The following WASF3 variants were observed in gnomAD, a reference collection of about 807,000 sequenced individuals.
WASF3 encodes the protein WASP family member 3.
In WASF3, 11 loss-of-function variants were observed where a neutral mutation model predicts 46.6. The ratio of observed to expected loss-of-function variants is 0.24; its 90% CI spans 0.15 to 0.39. The LOEUF is 0.39. Ranked by LOEUF, WASF3 falls within the 10% of genes least tolerant of loss-of-function variation. The pLI is 1.00. For missense variants in WASF3, 576 were observed against 669.8 expected (o/e 0.86, Z 1.55); for synonymous variants, 242 against 259.7 (o/e 0.93, Z 0.65).
intron 1 of WASF3, among the ~76,000 whole-genome samples, chr13:26,595,436 T>C (rs898710116): frequency 5.3e-5 from 8 of 152,256 alleles, no homozygotes; most frequent in East Asian, 1.9e-4. Flanking sequence ...TGACATCTTT[T>C]ATAGCTTGTA....
intron 1 of WASF3, chr13:26,576,777 T>G (rs1357472339): frequency 1.2e-5 from 4 of 332,306 alleles, no homozygotes; most frequent in Non-Finnish European, 2.2e-5. Flanking sequence ...AATGCAAAAA[T>G]AGTTCACAGA....
chr13:26,677,048 T>TA (rs1414503928), intron 7 of WASF3, among the ~76,000 whole-genome samples: 19 of 152,254 alleles, frequency 1.2e-4, no homozygotes, highest in Non-Finnish European at 2.8e-4. Flanking sequence ...AATAATCATT[T>TA]AATTCTTTCT....
At chr13:26,566,744 C>T (rs1468734618) in intron 1 of WASF3, among the ~76,000 whole-genome samples, 1 of 152,168 alleles carries the variant, frequency 6.6e-6, no homozygotes, top group Non-Finnish European at 1.5e-5. Flanking sequence ...TCCTACTAGC[C>T]GTACTCAGAC....
At chr13:26,658,245 A>G (rs1288188342) in intron 3 of WASF3, among the ~76,000 whole-genome samples, 1 of 152,170 alleles carries the variant, frequency 6.6e-6, no homozygotes, top group Non-Finnish European at 1.5e-5. Flanking sequence ...ATGTGTGTAT[A>G]TATAAATTTA....
chr13:26,662,366 A>G (rs1280550835), intron 3 of WASF3, among the ~76,000 whole-genome samples: 1 of 152,258 alleles, frequency 6.6e-6, no homozygotes, highest in African/African-American at 2.4e-5. Flanking sequence ...TGTTCATCAC[A>G]GTGCTGTTTG....
At chr13:26,643,886 G>C (rs1352085889) in intron 3 of WASF3, among the ~76,000 whole-genome samples, 1 of 152,206 alleles carries the variant, frequency 6.6e-6, no homozygotes, top group African/African-American at 2.4e-5. Context: ...GTGGTAAATA[G>C]AATAGTAATA....
chr13:26,677,534 C>G (rs1270783606), intron 7 of WASF3, among the ~76,000 whole-genome samples: 1 of 152,162 alleles, frequency 6.6e-6, no homozygotes, highest in Admixed American at 6.5e-5. Flanking sequence ...GTATCTGTGC[C>G]CTTTTTTTCT....
Position 26,682,512 on chromosome 13 carries a change from T to C in WASF3, c.984-95T>C. ...TTGAAGTTCAGGTGACAATACGTGT[T>C]GTGTCTGGGGATGGCTCCGTTAGGT... On this transcript the variant is annotated intron_variant, in intron 8 of 9. Transcript: ENST00000335327. The surrounding 1 kb of genome is among the most constrained non-coding windows in gnomAD (Gnocchi z 4.4). 1.4e-6 allele frequency: 2 copies of C among 1,458,166 alleles called. No homozygotes were observed. Among genetic ancestry groups the C allele is most frequent in the Non-Finnish European group, 9.5e-7 (1 of 1,057,480 alleles). 90.3% of individuals were successfully genotyped at this position (1,458,166 alleles called of 1,614,324 possible).
chr13:26,589,295 T>C (rs1468575628), intron 1 of WASF3, among the ~76,000 whole-genome samples: 1 of 152,216 alleles, frequency 6.6e-6, no homozygotes, highest in Non-Finnish European at 1.5e-5. Context: ...AAATGGTTCC[T>C]CTCAGAACTG....
intron 3 of WASF3, among the ~76,000 whole-genome samples, chr13:26,650,413 A>T (rs1433614317): frequency 6.6e-6 from 1 of 152,242 alleles, no homozygotes; most frequent in Non-Finnish European, 1.5e-5. Flanking sequence ...TCAGAAAATT[A>T]CAAAGCATAC....
intron 5 of WASF3, among the ~76,000 whole-genome samples, chr13:26,668,370 G>C (rs917268474): frequency 1.3e-5 from 2 of 152,150 alleles, no homozygotes; most frequent in Non-Finnish European, 2.9e-5. Context: ...TCCATCCCTT[G>C]TGGTATGTCC....
At chr13:26,636,963 C>A (rs1169851998) in intron 2 of WASF3, among the ~76,000 whole-genome samples, 1 of 152,192 alleles carries the variant, frequency 6.6e-6, no homozygotes, top group African/African-American at 2.4e-5. Flanking sequence ...AACTTCACCG[C>A]AGTTGCCAGA....
At chr13:26,577,767 C>A in intron 1 of WASF3, 1 of 646,306 alleles carries the variant, frequency 1.5e-6, no homozygotes. Context: ...GTACAATCTG[C>A]AGACCTTATT....
intron 2 of WASF3, among the ~76,000 whole-genome samples, chr13:26,614,477 C>G (rs1881073467): frequency 6.6e-6 from 1 of 152,114 alleles, no homozygotes; most frequent in African/African-American, 2.4e-5. Flanking sequence ...CGTAACGTAT[C>G]AAAATATATG....
intron 1 of WASF3, among the ~76,000 whole-genome samples, chr13:26,572,171 T>C (rs1879656261): frequency 6.6e-6 from 1 of 152,244 alleles, no homozygotes; most frequent in Non-Finnish European, 1.5e-5. Flanking sequence ...TGTTTGTGCC[T>C]TTAATTGTTT....
chr13:26,578,837 A>C (rs1179021201), intron 1 of WASF3, among the ~76,000 whole-genome samples: 1 of 151,968 alleles, frequency 6.6e-6, no homozygotes, highest in Admixed American at 6.6e-5. Flanking sequence ...ATCATTTAAC[A>C]TCTTTTCTTT....
intron 2 of WASF3, chr13:26,641,053 CT>C (rs1253182622): frequency 6.6e-6 from 1 of 152,156 alleles, no homozygotes; most frequent in East Asian, 1.9e-4. Flanking sequence ...TCATTGTAGA[CT>C]TTGATTTAGT....
chr13:26,575,514 G>A (rs1176045191), intron 1 of WASF3, among the ~76,000 whole-genome samples: 2 of 152,142 alleles, frequency 1.3e-5, no homozygotes, highest in Non-Finnish European at 2.9e-5. Context: ...TCTATTAGTT[G>A]TATAATGTTC....
chr13:26,575,442 A>C (rs765795255), intron 1 of WASF3, among the ~76,000 whole-genome samples: 1 of 152,284 alleles, frequency 6.6e-6, no homozygotes, highest in Non-Finnish European at 1.5e-5. Flanking sequence ...GTTTAGATGG[A>C]GCTCAAGCCC....
Sources: allele counts gnomAD v4.1 joint callset (sites outside exome capture counted in the v4.1 genomes callset), GRCh38; gene constraint gnomAD v4.1.1; non-coding constraint Gnocchi (gnomAD v3.1); transcripts MANE v1.5; gene names NCBI Gene and HGNC (gene_info 2026-07-23, HGNC 2026-07-21).